Variants in NUP107 observed in about 807,000 individuals in gnomAD.
The protein encoded by NUP107 is nuclear pore complex protein Nup107.
In NUP107, 101 loss-of-function variants were observed where a neutral mutation model predicts 141.0. The ratio of observed to expected loss-of-function variants is 0.72; its 90% CI spans 0.61 to 0.84. The LOEUF (loss-of-function observed/expected upper bound fraction) is 0.84. Among genes scored for constraint, NUP107 ranks in the 40% least tolerant of loss-of-function variants. The pLI, the probability that NUP107 is intolerant of heterozygous loss-of-function variation, is 0.00. For missense variants in NUP107, 941 were observed against 1,102.7 expected (o/e 0.85, Z 2.08); for synonymous variants, 319 against 363.9 (o/e 0.88, Z 1.41).
chr12:68,723,918 G>A (rs920658776), intron 17 of NUP107, among the ~76,000 whole-genome samples: 28 of 152,016 alleles, frequency 1.8e-4, no homozygotes, highest in African/African-American at 6.0e-4. Context: ...GATATAGTAA[G>A]GAAATTAATG....
At chr12:68,694,926 A>G in intron 5 of NUP107, among the ~76,000 whole-genome samples, 1 of 152,192 alleles carries the variant, frequency 6.6e-6, no homozygotes, top group East Asian at 1.9e-4. Context: ...AGAAAGAAAG[A>G]AATAGAATAG....
chr12:68,687,403 A>C, intron 1 of NUP107: 1 of 1,096,298 alleles, frequency 9.1e-7, no homozygotes, highest in Non-Finnish European at 1.1e-6. Context: ...GCCTGAGATC[A>C]CAAAGCCAGT....
chr12:68,728,596 G>A (rs1877674348), intron 20 of NUP107, among the ~76,000 whole-genome samples: 1 of 151,418 alleles, frequency 6.6e-6, no homozygotes, highest in Non-Finnish European at 1.5e-5. Context: ...ATTTTTAGTA[G>A]AGATGGGGTT....
intron 23 of NUP107, 31 bp from the exon 24 acceptor site, chr12:68,733,421 G>A (rs1440077597): frequency 6.3e-7 from 1 of 1,592,376 alleles, no homozygotes; most frequent in East Asian, 2.2e-5. Context: ...GAAGTCCGTA[G>A]GCATTCAAAA....
intron 1 of NUP107, 100 bp downstream of exon 1, chr12:68,687,173 G>A: frequency 1.3e-6 from 2 of 1,528,188 alleles, no homozygotes; most frequent in Non-Finnish European, 1.8e-6. Context: ...AGCCAAGGAG[G>A]TCCCGGGTGC....
intron 22 of NUP107, among the ~76,000 whole-genome samples, chr12:68,732,328 G>T (rs564847840): frequency 1.3e-5 from 2 of 152,186 alleles, no homozygotes; most frequent in East Asian, 3.9e-4. Context: ...TAGAGAAGGG[G>T]TTTTGCCATG....
At chr12:68,695,590 G>GA (rs1876013402) in intron 5 of NUP107, among the ~76,000 whole-genome samples, 1 of 152,210 alleles carries the variant, frequency 6.6e-6, no homozygotes, top group African/African-American at 2.4e-5. Flanking sequence ...ACAGAAAGTA[G>GA]ATGGATAGTT....
At chr12:68,711,135 G>A (rs558204183) in intron 10 of NUP107, among the ~76,000 whole-genome samples, 5 of 152,042 alleles carry the variant, frequency 3.3e-5, no homozygotes, top group Admixed American at 1.3e-4. Context: ...GGCGGATCAC[G>A]AAGTCAGGAG....
chr12:68,692,962 C>T (rs1480366662), intron 5 of NUP107, among the ~76,000 whole-genome samples: 1 of 151,996 alleles, frequency 6.6e-6, no homozygotes, highest in Non-Finnish European at 1.5e-5. Context: ...GTTGGCCAGG[C>T]TTGTCTCAAA....
chr12:68,727,306 C>T, intron 19 of NUP107, 45 bp from the exon 20 acceptor site: 1 of 1,011,934 alleles, frequency 9.9e-7, no homozygotes, highest in Non-Finnish European at 1.5e-6. Context: ...TTGTTACTTT[C>T]ATATAAGCAG....
chr12:68,727,298 G>C, intron 19 of NUP107, 53 bp from the exon 20 acceptor site: 1 of 889,724 alleles, frequency 1.1e-6, no homozygotes, highest in Admixed American at 2.3e-5. Flanking sequence ...CAAAAATTTT[G>C]TTACTTTCAT....
chr12:68,713,673 A>G (rs1876974538), intron 10 of NUP107, 57 bp from the exon 11 acceptor site: 1 of 1,198,980 alleles, frequency 8.3e-7, no homozygotes, highest in East Asian at 2.3e-5. Context: ...TGATTTTTTA[A>G]AAATAGACCT....
In NUP107 at chr12:68,745,254, TTTTTAA is replaced by T. The variant is rs1207056262; in HGVS notation, c.*2798_*2803del. On this transcript the variant is annotated 3_prime_UTR_variant, in exon 28 of 28. Coordinates refer to ENST00000229179, the MANE Select transcript of NUP107 (RefSeq NM_020401.4). The stretch of plus-strand genomic sequence containing the variant: ...TAAATTTTTTGTACCACAGTCTCTC[TTTTTAA>T]TTTTATGACTGCTGAATTAATCCTA... The T allele has an allele frequency of 6.6e-6, 1 of 152,256 alleles. No homozygotes were observed. The highest frequency in any genetic ancestry group is 1.5e-5 in the Non-Finnish European group (1 of 68,046). 9.4% of individuals were successfully genotyped at this position (152,256 alleles called of 1,614,324 possible). A position where few individuals can be genotyped will look rare whatever the true frequency, so the allele number is the denominator to read the frequency against.
chr12:68,713,636 G>A, intron 10 of NUP107, 94 bp from the exon 11 acceptor site: 1 of 867,696 alleles, frequency 1.2e-6, no homozygotes, highest in Admixed American at 2.3e-5. Context: ...TGGGATTGTA[G>A]TCTGTCTTTC....
At chr12:68,694,959 C>G (rs1355958167) in intron 5 of NUP107, among the ~76,000 whole-genome samples, 1 of 152,148 alleles carries the variant, frequency 6.6e-6, no homozygotes, top group East Asian at 1.9e-4. Context: ...AGAAGATTCA[C>G]AAATGACCAG....
chr12:68,734,463 A>G (rs1342326962), intron 24 of NUP107, among the ~76,000 whole-genome samples: 1 of 152,216 alleles, frequency 6.6e-6, no homozygotes, highest in Non-Finnish European at 1.5e-5. Flanking sequence ...CAAGATACAT[A>G]TACGATCAGG....
At chr12:68,702,470 C>T (rs865807656) in intron 7 of NUP107, among the ~76,000 whole-genome samples, 12 of 150,926 alleles carry the variant, frequency 8.0e-5, no homozygotes, top group Middle Eastern at 6.4e-3. Flanking sequence ...CTCTGTTGTT[C>T]GCCAGGCTGG....
intron 4 of NUP107, 33 bp from the exon 5 acceptor site, chr12:68,691,935 T>G (rs751264809): frequency 1.2e-5 from 19 of 1,552,286 alleles, no homozygotes; most frequent in Non-Finnish European, 1.6e-5. Flanking sequence ...TCCATCACTT[T>G]TCTGTATTTT....
intron 10 of NUP107, among the ~76,000 whole-genome samples, chr12:68,711,109 G>T (rs1411968373): frequency 1.3e-5 from 2 of 151,402 alleles, no homozygotes; most frequent in African/African-American, 4.8e-5. Flanking sequence ...CAAAAAATTA[G>T]CCAGGCGTGG....
Sources: gnomAD v4.1 joint callset for allele counts (sites outside exome capture counted in the v4.1 genomes callset) on GRCh38, gnomAD v4.1.1 for gene constraint, MANE v1.5 for transcripts, NCBI Gene and HGNC (gene_info 2026-07-23, HGNC 2026-07-21) for gene names.